WDFY3: variants seen among roughly 807,000 people sequenced by gnomAD.
WDFY3 encodes WD repeat and FYVE domain-containing protein 3.
WDFY3 carries 66 observed loss-of-function variants against 409.6 expected under a neutral mutation model. That is an observed-to-expected ratio of 0.16 (90% CI 0.13 to 0.20). The LOEUF (loss-of-function observed/expected upper bound fraction) is 0.20, where lower values mean the gene tolerates loss of function less well. Among genes scored for constraint, WDFY3 ranks in the 10% least tolerant of loss-of-function variants. WDFY3 has a pLI of 1.00. For synonymous variants in WDFY3, 1,521 were observed against 1,537.1 expected, an observed-to-expected ratio of 0.99 and a Z score of 0.25; for missense variants, 3,031 against 4,298.1, an observed-to-expected ratio of 0.71 and a Z score of 8.24.
chr4:84,740,336 C>G lies in WDFY3; in HGVS notation c.6315G>C (p.Arg2105=). The G allele has an allele frequency of 6.2e-7, 1 of 1,613,992 alleles. No homozygotes were observed. The highest frequency in any genetic ancestry group is 1.3e-5 in the African/African-American group (1 of 74,978). ...LNRTILYQFS[R]AHKTVPQQVA... ...CTTGCTGAGGAACGGTTTTGTGTGC[C>G]CGTGAGAACTGGTACAAGATGGTCC... is the stretch of plus-strand genomic sequence containing the variant. Residue 2105 remains arginine, a synonymous_variant, in exon 39 of 68, where the codon CGG becomes CGC. Coordinates refer to ENST00000295888, the MANE Select transcript of WDFY3 (RefSeq NM_014991.6).
At chr4:84,865,915 C>G (rs1220446090) in intron 3 of WDFY3, among the ~76,000 whole-genome samples, 1 of 151,964 alleles carries the variant, frequency 6.6e-6, no homozygotes, top group Non-Finnish European at 1.5e-5. Flanking sequence ...ACAAAAAATA[C>G]AAAAATTGGC....
At chr4:84,891,620 A>T (rs1019235429) in intron 3 of WDFY3, among the ~76,000 whole-genome samples, 2 of 152,186 alleles carry the variant, frequency 1.3e-5, no homozygotes, top group Admixed American at 6.5e-5. Flanking sequence ...AATAATTTGA[A>T]AGTATTTATT....
At chr4:84,844,455 C>T (rs772416773) in intron 5 of WDFY3, 40 of 1,289,280 alleles carry the variant, frequency 3.1e-5, no homozygotes, top group Non-Finnish European at 3.9e-5. Context: ...AATGAAATTA[C>T]CTGAAGGTGT....
chr4:84,859,709 G>T (rs568943775), intron 4 of WDFY3, among the ~76,000 whole-genome samples: 1 of 152,078 alleles, frequency 6.6e-6, no homozygotes, highest in Non-Finnish European at 1.5e-5. Flanking sequence ...CCGAATAGCT[G>T]GGATTACAGG....
chr4:84,809,864 C>T (rs774231773), intron 14 of WDFY3, 23 bp downstream of exon 14: 1 of 1,603,108 alleles, frequency 6.2e-7, no homozygotes, highest in Non-Finnish European at 8.5e-7. Flanking sequence ...CCCTTTAATT[C>T]AGAGGACAGA....
intron 36 of WDFY3, among the ~76,000 whole-genome samples, chr4:84,747,193 A>G (rs1739607591): frequency 6.6e-6 from 1 of 152,182 alleles, no homozygotes; most frequent in Non-Finnish European, 1.5e-5. Flanking sequence ...TCTTGGGGAC[A>G]CTACCCAGGA....
At position 84,688,145 on chromosome 4, in the gene WDFY3, G is replaced by C. The variant is rs898650583; in HGVS notation, c.9484C>G (p.Leu3162Val). Reference sequence around the variant, plus strand: ...GCTCGATGCCCTCGAAGCTGGGTTAGAAATGACAGTTTGTTCAAATCCCAA... The same window carrying C: ...GCTCGATGCCCTCGAAGCTGGGTTACAAATGACAGTTTGTTCAAATCCCAA... Reference protein sequence around the residue: ...IIWDLNKLSFLTQLRGHRAPV... With the variant: ...IIWDLNKLSFVTQLRGHRAPV... The change falls in exon 62 of 68, where the codon CTA becomes GTA. Residue 3162 changes from leucine to valine, a missense_variant. Transcript: ENST00000295888. 16 of 1,614,064 alleles carry C rather than the reference G, an allele frequency of 9.9e-6. No homozygotes were observed. Among genetic ancestry groups the C allele is most frequent in the African/African-American group, 2.7e-5 (2 of 74,920 alleles).
At chr4:84,921,681 G>A (rs1264642192) in intron 2 of WDFY3, among the ~76,000 whole-genome samples, 5 of 106,112 alleles carry the variant, frequency 4.7e-5, no homozygotes, top group East Asian at 2.7e-4. Flanking sequence ...TTTTTGAGAC[G>A]GAGTCTCACT....
rs144551847 is a variant in WDFY3 at position 84,917,938 on chromosome 4, T to C, written c.-132+14332A>G. On this transcript the variant is annotated intron_variant, in intron 2 of 67. Transcript: ENST00000295888. ...TCTCCCCCTATATATATGGCTCTGATAGATGGGAAAGGATGTTAAACCTCA... is the reference window on the plus strand; with the variant it reads ...TCTCCCCCTATATATATGGCTCTGACAGATGGGAAAGGATGTTAAACCTCA... 1.2e-3 allele frequency among the ~76,000 whole-genome samples: 185 copies of C among 152,232 alleles called. 1 individual carries two copies. The highest frequency in any genetic ancestry group is 9.7e-3 in the Admixed American group (148 of 15,272).
intron 48 of WDFY3, among the ~76,000 whole-genome samples, chr4:84,717,276 C>T (rs906774868): frequency 1.3e-5 from 2 of 152,000 alleles, no homozygotes; most frequent in African/African-American, 4.8e-5. Context: ...TAGCACAGTG[C>T]CTCAGCTCAC....
intron 3 of WDFY3, among the ~76,000 whole-genome samples, chr4:84,873,361 T>C (rs985971794): frequency 5.9e-5 from 9 of 152,048 alleles, no homozygotes; most frequent in Non-Finnish European, 8.8e-5. Context: ...AAAGAGAAAT[T>C]TGGAAATTAA....
At position 84,873,875 on chromosome 4, in the gene WDFY3, T is replaced by A. The variant is rs564065984; in HGVS notation, c.-31-13253A>T. Among the ~76,000 whole-genome samples the A allele has an allele frequency of 2.7e-3, 411 of 151,886 alleles. 2 individuals are homozygous for A. Among genetic ancestry groups the A allele is most frequent in the African/African-American group, 9.6e-3 (397 of 41,436 alleles). On this transcript the variant is annotated intron_variant, in intron 3 of 67. Transcript: ENST00000295888. The stretch of plus-strand genomic sequence containing the variant: ...AGGGCTCAGTGTAGCCTCAACCTCC[T>A]GTACTTAGGTAATTCTCCTGTCTCG...
At position 84,714,949 on chromosome 4, in the gene WDFY3, C is replaced by CAAAAAAAA. The variant is rs770343929; in HGVS notation, c.7961+341_7961+348dup. Among the ~76,000 whole-genome samples the CAAAAAAAA allele has an allele frequency of 1.9e-3, 138 of 73,086 alleles. 1 individual carries two copies. The highest frequency in any genetic ancestry group is 6.5e-3 in the African/African-American group (131 of 20,170). The allele number at this position is 73,086 out of a possible 152,430, so 47.9% of individuals were successfully genotyped here. On this transcript the variant is annotated intron_variant, in intron 50 of 67. Transcript: ENST00000295888. Reference sequence around the variant, plus strand: ...TGGGCGACAGAACGAGACTCCGTCTCAAAAAAAAAAAAAAAGAAGAAGAAA... The same window carrying CAAAAAAAA: ...TGGGCGACAGAACGAGACTCCGTCTCAAAAAAAAAAAAAAAAAAAAAAAGAAGAAGAAA...
At chr4:84,680,401 C>T (rs909596886) in intron 64 of WDFY3, among the ~76,000 whole-genome samples, 15 of 152,158 alleles carry the variant, frequency 9.9e-5, no homozygotes, top group South Asian at 6.2e-4. Context: ...GGAATCTGCC[C>T]GCCTCAGCCT....
intron 17 of WDFY3, among the ~76,000 whole-genome samples, chr4:84,799,471 C>T (rs1750112032): frequency 6.6e-6 from 1 of 152,002 alleles, no homozygotes; most frequent in African/African-American, 2.4e-5. Flanking sequence ...ACTGCCTGGC[C>T]TCATACTTTA....
intron 58 of WDFY3, among the ~76,000 whole-genome samples, chr4:84,695,448 C>CAT (rs1553918439): frequency 7.4e-6 from 1 of 136,054 alleles, no homozygotes; most frequent in Non-Finnish European, 1.6e-5. Context: ...ATTTGGGTCC[C>CAT]GTGTGTGTGT....
At chr4:84,965,654 A>G (rs1019770047) in intron 1 of WDFY3, 3 of 152,188 alleles carry the variant, frequency 2.0e-5, no homozygotes, top group African/African-American at 7.2e-5. Context: ...TCCTTCCATA[A>G]TCGAAGGGCT....
At chr4:84,712,738 A>G (rs1257859321) in intron 51 of WDFY3, among the ~76,000 whole-genome samples, 1 of 152,138 alleles carries the variant, frequency 6.6e-6, no homozygotes, top group East Asian at 1.9e-4. Flanking sequence ...AAAAAAAGCA[A>G]AAACCTGATA....
chr4:84,841,096 C>A lies in WDFY3; in HGVS notation c.414+58G>T, dbSNP rs1002370735. 18 of 1,312,068 alleles carry A rather than the reference C, an allele frequency of 1.4e-5. No individual in the cohort carries two copies. In the East Asian group the frequency reaches 3.8e-4, roughly 27 times the overall value. The allele number at this position is 1,312,068 out of a possible 1,614,324, so 81.3% of individuals were successfully genotyped here. ...AATGATGAATTTAATAATAAAATCACAAGAGAGGCTATAAAATAAAGACGC... is the reference window on the plus strand; with the variant it reads ...AATGATGAATTTAATAATAAAATCAAAAGAGAGGCTATAAAATAAAGACGC... On this transcript the variant is annotated intron_variant, in intron 6 of 67. Coordinates refer to ENST00000295888, the MANE Select transcript of WDFY3 (RefSeq NM_014991.6).
Sources: allele counts gnomAD v4.1 joint callset (sites outside exome capture counted in the v4.1 genomes callset), GRCh38; gene constraint gnomAD v4.1.1; transcripts MANE v1.5; gene names NCBI Gene and HGNC (gene_info 2026-07-23, HGNC 2026-07-21).